CHTF18: variants seen among roughly 807,000 people sequenced by gnomAD.
The protein encoded by CHTF18 is chromosome transmission fidelity protein 18 homolog.
CHTF18 carries 151 observed loss-of-function variants against 113.4 expected under a neutral mutation model. The ratio of observed to expected loss-of-function variants is 1.33; its 90% CI spans 1.17 to 1.52. The LOEUF (loss-of-function observed/expected upper bound fraction) is 1.52, where lower values mean the gene tolerates loss of function less well. Ranked by LOEUF, CHTF18 falls within the 40% of genes most tolerant of loss-of-function variation. CHTF18 has a pLI of 0.00. For missense variants in CHTF18, 1,982 were observed against 1,381.6 expected, an observed-to-expected ratio of 1.43 and a Z score of -6.89; for synonymous variants, 916 against 598.8, an observed-to-expected ratio of 1.53 and a Z score of -7.74.
At chr16:791,787 C>G (rs1596754444) in intron 8 of CHTF18, 64 bp from the exon 9 acceptor site, 3 of 1,531,282 alleles carry the variant, frequency 2.0e-6, no homozygotes. Flanking sequence ...CAGTCCCTGG[C>G]TGCTAGGCCG....
intron 8 of CHTF18, 46 bp from the exon 9 acceptor site, chr16:791,805 C>T (rs779728816): frequency 3.3e-5 from 51 of 1,556,402 alleles, no homozygotes; most frequent in Non-Finnish European, 4.3e-5. Flanking sequence ...CCGGGAGCGT[C>T]CTGTAGGTGC....
intron 15 of CHTF18, 35 bp from the exon 16 acceptor site, chr16:795,097 T>G: frequency 6.7e-7 from 1 of 1,485,540 alleles, no homozygotes; most frequent in Non-Finnish European, 9.1e-7. Context: ...TTCCCTGGGG[T>G]GGGCAGGAGC....
Position 794,190 on chromosome 16 carries a change from A to T in CHTF18, c.1939A>T (p.Lys647Ter). The change falls in exon 15 of 22, where the codon AAG becomes TAG. Residue 647 changes from lysine (K) to a stop codon, truncating the protein, a stop_gained. Transcript: ENST00000262315. LOFTEE classifies it high-confidence loss of function. The stretch of plus-strand genomic sequence containing the variant: ...CGCTGCCTCTGCGGGCGAGCACGAG[A>T]AGGTGGTCCAGGTACCTGTCTTCCA... Reference protein sequence around the residue: ...HAAASAGEHEKVVQGLFDNFL... With the variant: ...HAAASAGEHE 6.2e-7 allele frequency: 1 copy of T among 1,611,384 alleles called. No individual in the cohort carries two copies. Among genetic ancestry groups the T allele is most frequent in the Non-Finnish European group, 8.5e-7 (1 of 1,178,924 alleles).
chr16:795,377 C>T (rs377150774), intron 16 of CHTF18, 21 bp downstream of exon 16: 50 of 1,480,838 alleles, frequency 3.4e-5, no homozygotes, highest in African/African-American at 2.5e-4. Context: ...CCCTGCACCA[C>T]GCCTGCCCCC....
chr16:791,356 C>G lies in CHTF18; in HGVS notation c.1090C>G (p.Arg364Gly). The change falls in exon 8 of 22, where the codon CGA (arginine) becomes GGA (glycine). Residue 364 changes from arginine to glycine, a missense_variant. Physicochemically the swap from Arg to Gly is moderately radical, Grantham distance 125. Coordinates refer to ENST00000262315, the MANE Select transcript of CHTF18 (RefSeq NM_022092.3). ...GGAGGCTGGGCTGGACCCGAGCCAG[C>G]GACCGAAGCAGAAGGTGAGCCCCGC... ...MLEAGLDPSQ[R>G]PKQKVALLCG... 2 of 1,603,252 alleles carry G rather than the reference C, an allele frequency of 1.2e-6. No homozygotes were observed. Among genetic ancestry groups the G allele is most frequent in the Non-Finnish European group, 8.5e-7 (1 of 1,177,530 alleles).
chr16:789,004 C>T lies in CHTF18; in HGVS notation c.165C>T (p.Ala55=), dbSNP rs1404198672. ...GACCCCCGCGGACGTTCGAGGAGGC[C>T]CTTGCCAGAGGGGACGCGGCCTCCA... ...AGRPPRTFEE[A]LARGDAASSP... Residue 55 remains alanine (A), a synonymous_variant, in exon 2 of 22, where the codon GCC becomes GCT. Coordinates refer to ENST00000262315, the MANE Select transcript of CHTF18 (RefSeq NM_022092.3). The T allele has an allele frequency of 2.6e-6, 4 of 1,557,524 alleles. No individual in the cohort carries two copies. Among genetic ancestry groups the T allele is most frequent in the South Asian group, 2.3e-5 (2 of 85,870 alleles).
Position 792,551 on chromosome 16 carries a change from G to C in CHTF18, c.1439G>C (p.Gly480Ala), listed in dbSNP as rs376373561. Residue 480 changes from glycine (G) to alanine (A), a missense_variant, in exon 11 of 22, where the codon GGG becomes GCG. Coordinates refer to ENST00000262315, the MANE Select transcript of CHTF18 (RefSeq NM_022092.3). ...GGGRRRRAEGGLLMRPIICIC... is the reference protein window; with the variant it reads ...GGGRRRRAEGALLMRPIICIC... ...GGCCGACGGCGCCGGGCAGAGGGGGGGCTCCTCATGAGGCCCATTATCTGC... is the reference window on the plus strand; with the variant it reads ...GGCCGACGGCGCCGGGCAGAGGGGGCGCTCCTCATGAGGCCCATTATCTGC... The C allele has an allele frequency of 4.4e-6, 7 of 1,596,432 alleles. No individual in the cohort carries two copies. The highest frequency in any genetic ancestry group is 4.1e-5 in the African/African-American group (3 of 73,750).
chr16:792,708 C>T lies in CHTF18; in HGVS notation c.1479-10C>T, dbSNP rs1567398979. On this transcript the variant is annotated splice_polypyrimidine_tract_variant and intron_variant, in intron 11 of 21. Transcript: ENST00000262315. ...ACCCTGGGGTCCCTGGCCCTGCCGC[C>T]TCTCCTCAGGTTCGCACCGTCCCTG... The T allele has an allele frequency of 1.3e-6, 2 of 1,568,508 alleles. No homozygotes were observed. The highest frequency in any genetic ancestry group is 1.2e-5 in the South Asian group (1 of 86,850).
chr16:793,304 T>C (rs1030906614), intron 14 of CHTF18, 30 bp downstream of exon 14: 3 of 1,601,764 alleles, frequency 1.9e-6, no homozygotes, highest in African/African-American at 2.7e-5. Context: ...TCGGCCCAGA[T>C]GCTCACGGTG....
chr16:797,887 C>T lies in CHTF18; in HGVS notation c.2840C>T (p.Ala947Val), dbSNP rs199846340. ...QDSVERRMGT[A>V]VGRSEVWFRF... Reference sequence around the variant, plus strand: ...TCAGTGGAGCGGCGCATGGGCACAGCGGTGGGCAGGAGCGAGGTCTGGTTC... The same window carrying T: ...TCAGTGGAGCGGCGCATGGGCACAGTGGTGGGCAGGAGCGAGGTCTGGTTC... The change falls in exon 22 of 22, where the codon GCG (alanine) becomes GTG (valine). Residue 947 changes from alanine to valine, a missense_variant. By Grantham distance (64) the Ala-to-Val change is moderately conservative. Transcript: ENST00000262315. The T allele has an allele frequency of 2.0e-4, 319 of 1,610,464 alleles. 1 individual carries two copies. In the East Asian group the frequency reaches 2.3e-3, roughly 11 times the overall value.
chr16:796,209 C>G lies in CHTF18; in HGVS notation c.2456+132C>G, dbSNP rs970142053. The stretch of plus-strand genomic sequence containing the variant: ...CTGGGGGTGGCGGGCCCCAGCTTAT[C>G]TTTTGCTCAGATGTAACCGTGAAGG... On this transcript the variant is annotated intron_variant, in intron 18 of 21. Transcript: ENST00000262315. 5.7e-6 allele frequency: 7 copies of G among 1,228,596 alleles called. No homozygotes were observed. The East Asian group carries it at 7.7e-5, about 13-fold the overall frequency. The allele number at this position is 1,228,596 out of a possible 1,614,324, so 76.1% of individuals were successfully genotyped here.
chr16:795,899 ATTTGTACAGCCTGCTCAGC>A lies in CHTF18; in HGVS notation c.2326-46_2326-28del, dbSNP rs773293212. 1.1e-4 allele frequency: 181 copies of A among 1,602,874 alleles called. No individual in the cohort carries two copies. The African/African-American group carries it at 2.1e-3, about 18-fold the overall frequency. ...GCCCTCCTGTCCTAGGTGAGCACAC[ATTTGTACAGCCTGCTCAGC>A]TCCCTGTCTGCTGCCTCCCATCCCC... On this transcript the variant is annotated intron_variant, in intron 17 of 21. Transcript: ENST00000262315.
At chr16:797,159 C>G in intron 20 of CHTF18, 67 bp downstream of exon 20, 1 of 1,440,110 alleles carries the variant, frequency 6.9e-7, no homozygotes, top group Non-Finnish European at 9.1e-7. Context: ...CTAGGGCAGT[C>G]ATGAGGCGGG....
chr16:795,198 C>T lies in CHTF18; in HGVS notation c.2017C>T (p.Leu673Phe). Residue 673 changes from leucine to phenylalanine, a missense_variant, in exon 16 of 22, where the codon CTC (leucine) becomes TTC (phenylalanine). Physicochemically the swap from Leu to Phe is conservative, Grantham distance 22. Coordinates refer to ENST00000262315, the MANE Select transcript of CHTF18 (RefSeq NM_022092.3). ...DSSLGAVCVA[L>F]DWLAFDDLLA... The stretch of plus-strand genomic sequence containing the variant: ...CAGCCTGGGTGCTGTGTGTGTGGCC[C>T]TCGACTGGCTGGCCTTCGATGACCT... 1 of 1,558,056 alleles carries T rather than the reference C, an allele frequency of 6.4e-7. No individual in the cohort carries two copies. Among genetic ancestry groups the T allele is most frequent in the South Asian group, 1.2e-5 (1 of 84,806 alleles).
At position 792,453 on chromosome 16, in the gene CHTF18, C is replaced by T. The variant is rs779402454; in HGVS notation, c.1341C>T (p.Val447=). The T allele has an allele frequency of 2.3e-5, 36 of 1,568,954 alleles. No homozygotes were observed. The East Asian group carries it at 3.1e-4, about 13-fold the overall frequency. ...CCTCCCCCAAGGCCGCCATCAACGTCCTCCTGAGCATCCTGAACCGCAAGG... is the reference window on the plus strand; with the variant it reads ...CCTCCCCCAAGGCCGCCATCAACGTTCTCCTGAGCATCCTGAACCGCAAGG... The part of the protein sequence containing the change: ...IDGAPVAAIN[V]LLSILNRKGP... Residue 447 remains valine (V), a synonymous_variant, in exon 11 of 22, where the codon GTC becomes GTT. Transcript: ENST00000262315.
rs912056753 is a variant in CHTF18 at position 789,367 on chromosome 16, G to A, written c.437+7G>A. On this transcript the variant is annotated splice_region_variant and intron_variant, in intron 3 of 21. Transcript: ENST00000262315. The stretch of plus-strand genomic sequence containing the variant: ...CAGAGCTTTGGGGCCACGGGTGTGT[G>A]GCTTGGACATGGGCGTCCCATCCCA... 21 of 1,577,868 alleles carry A rather than the reference G, an allele frequency of 1.3e-5. No homozygotes were observed. The highest frequency in any genetic ancestry group is 1.7e-5 in the Non-Finnish European group (20 of 1,163,544).
In CHTF18 at chr16:795,205, G is replaced by A; in HGVS notation, c.2024G>A (p.Trp675Ter). 6.4e-7 allele frequency: 1 copy of A among 1,556,612 alleles called. No homozygotes were observed. ...GGTGCTGTGTGTGTGGCCCTCGACT[G>A]GCTGGCCTTCGATGACCTGCTGGCG... ...SLGAVCVALD[W>*]LAFDDLLAGA... Residue 675 changes from tryptophan (W) to a stop codon, truncating the protein, a stop_gained, in exon 16 of 22, where the codon TGG (tryptophan) becomes TAG (stop). Coordinates refer to ENST00000262315, the MANE Select transcript of CHTF18 (RefSeq NM_022092.3). LOFTEE classifies it high-confidence loss of function.
In CHTF18 at chr16:788,726, T is replaced by G; in HGVS notation, c.42T>G (p.Asp14Glu). 1 of 1,603,138 alleles carries G rather than the reference T, an allele frequency of 6.2e-7. No individual in the cohort carries two copies. The highest frequency in any genetic ancestry group is 8.5e-7 in the Non-Finnish European group (1 of 1,175,980). Residue 14 changes from aspartate (D) to glutamate (E), a missense_variant, in exon 1 of 22, where the codon GAT (aspartate) becomes GAG (glutamate). Transcript: ENST00000262315. ...AGGAGCTGTGCGGCGTCGAGGATGA[T>G]TTCCACAACCAGTTCGCGGCCGAGC... is the stretch of plus-strand genomic sequence containing the variant. ...YEQELCGVED[D>E]FHNQFAAELE...
intron 9 of CHTF18, 129 bp downstream of exon 9, chr16:792,077 G>T (rs2042212390): frequency 1.2e-5 from 18 of 1,534,046 alleles, no homozygotes; most frequent in Non-Finnish European, 1.4e-5. Flanking sequence ...TGTGGGCCGG[G>T]AAAACGTGTC....
Sources: gnomAD v4.1 joint callset for allele counts on GRCh38, gnomAD v4.1.1 for gene constraint, MANE v1.5 for transcripts, NCBI Gene and HGNC (gene_info 2026-07-23, HGNC 2026-07-21) for gene names.